Variants in FMN2 observed in about 807,000 individuals in gnomAD.
FMN2 encodes the protein formin 2.
Under a neutral mutation model 142.3 loss-of-function variants are expected in FMN2, and 51 were observed. The observed-to-expected ratio is 0.36, with a 90% confidence interval of 0.29 to 0.45. The LOEUF (loss-of-function observed/expected upper bound fraction) is 0.45. Among genes scored for constraint, FMN2 ranks in the 20% least tolerant of loss-of-function variants. The probability of loss-of-function intolerance (pLI) is 1.00; values close to 1 mark genes in which losing one functional copy is unlikely to be tolerated. For synonymous variants in FMN2, 882 were observed against 869.8 expected (o/e 1.01, Z -0.25); for missense variants, 1,936 against 2,122.8 (o/e 0.91, Z 1.73).
At chr1:240,267,278 GA>G (rs1206396831) in intron 7 of FMN2, among the ~76,000 whole-genome samples, 1 of 151,496 alleles carries the variant, frequency 6.6e-6, no homozygotes, top group African/African-American at 2.4e-5. Flanking sequence ...ATAGCCTCAT[GA>G]AAAAAATGGT....
chr1:240,394,490 A>G (rs1673706914), intron 15 of FMN2, among the ~76,000 whole-genome samples: 2 of 152,316 alleles, frequency 1.3e-5, no homozygotes, highest in Admixed American at 1.3e-4. Context: ...CCTCTGTAAC[A>G]AAAGAGTGCA....
intron 8 of FMN2, among the ~76,000 whole-genome samples, chr1:240,327,193 G>A (rs1246211321): frequency 1.3e-5 from 2 of 152,196 alleles, no homozygotes; most frequent in Non-Finnish European, 2.9e-5. Flanking sequence ...GCAGTGAAAT[G>A]TACCTCCGTT....
rs148963860 is a variant in FMN2 at position 240,207,018 on chromosome 1, C to A, written c.2206C>A (p.His736Asn). ...GTTAGAAGAAAAGGAAGTACGGCATCATAGGATTTTAGAGGCGAAATCGAT... is the reference window on the plus strand; with the variant it reads ...GTTAGAAGAAAAGGAAGTACGGCATAATAGGATTTTAGAGGCGAAATCGAT... ...LRLEEKEVRHHRILEAKSIQT... is the reference protein window; with the variant it reads ...LRLEEKEVRHNRILEAKSIQT... The change falls in exon 5 of 18, where the codon CAT (histidine) becomes AAT (asparagine). Residue 736 changes from histidine (H) to asparagine (N), a missense_variant. By Grantham distance (68) the His-to-Asn change is moderately conservative. Around this residue, in one of 8 missense-constraint regions of FMN2, gnomAD observed 478 missense variants for 462.8 expected, o/e 1.03. Transcript: ENST00000319653. 3 of 1,614,150 alleles carry A rather than the reference C, an allele frequency of 1.9e-6. No homozygotes were observed.
intron 1 of FMN2, among the ~76,000 whole-genome samples, chr1:240,112,116 A>G (rs1661833932): frequency 1.3e-5 from 2 of 150,600 alleles, no homozygotes; most frequent in African/African-American, 2.4e-5. Flanking sequence ...GACACCTAAC[A>G]TCCTTAGGCC....
intron 2 of FMN2, among the ~76,000 whole-genome samples, chr1:240,131,420 C>G (rs1571961092): frequency 6.6e-6 from 1 of 152,090 alleles, no homozygotes; most frequent in East Asian, 1.9e-4. Context: ...TGAAAGAAGT[C>G]TATAGGTCGG....
chr1:240,447,574 C>T (rs1240814692), intron 16 of FMN2, among the ~76,000 whole-genome samples: 1 of 152,260 alleles, frequency 6.6e-6, no homozygotes, highest in East Asian at 1.9e-4. Context: ...GTACGGAACT[C>T]TCATACTTTG....
At chr1:240,300,625 TA>T (rs1349092217) in intron 8 of FMN2, among the ~76,000 whole-genome samples, 1 of 152,046 alleles carries the variant, frequency 6.6e-6, no homozygotes, top group Non-Finnish European at 1.5e-5. Context: ...GAAAACAAAA[TA>T]AAGAGACATA....
intron 15 of FMN2, among the ~76,000 whole-genome samples, chr1:240,393,126 C>A (rs1673664777): frequency 6.6e-6 from 1 of 151,740 alleles, no homozygotes; most frequent in African/African-American, 2.4e-5. Context: ...ACAGGCATAC[C>A]TCATTTTATT....
At chr1:240,439,730 T>C (rs1675541856) in intron 16 of FMN2, among the ~76,000 whole-genome samples, 1 of 152,212 alleles carries the variant, frequency 6.6e-6, no homozygotes, top group Admixed American at 6.5e-5. Flanking sequence ...AAAATAAGCG[T>C]ATGCGAATCA....
At chr1:240,290,856 T>A (rs552266496) in intron 7 of FMN2, among the ~76,000 whole-genome samples, 18 of 143,562 alleles carry the variant, frequency 1.3e-4, no homozygotes, top group Non-Finnish European at 2.7e-4. Context: ...AGAGGCATGA[T>A]CTTGGCTCAC....
chr1:240,093,796 C>A, intron 1 of FMN2, 72 bp downstream of exon 1: 3 of 1,106,418 alleles, frequency 2.7e-6, no homozygotes, highest in Non-Finnish European at 3.5e-6. Context: ...TGCCACCCGC[C>A]CTCCCTGGGC....
chr1:240,295,829 C>G (rs554287578), intron 8 of FMN2, among the ~76,000 whole-genome samples: 3 of 152,274 alleles, frequency 2.0e-5, no homozygotes, highest in African/African-American at 7.2e-5. Flanking sequence ...ATATTTTGAG[C>G]AACACCTACA....
chr1:240,177,798 G>A (rs1284603671), intron 2 of FMN2, 123 bp from the exon 3 acceptor site: 3 of 773,356 alleles, frequency 3.9e-6, no homozygotes, highest in South Asian at 4.1e-5. Context: ...CTGTTTTAAT[G>A]TTTCATATAT....
At chr1:240,371,199 A>G (rs746310905) in intron 14 of FMN2, among the ~76,000 whole-genome samples, 1 of 151,992 alleles carries the variant, frequency 6.6e-6, no homozygotes, top group Admixed American at 6.6e-5. Context: ...GCCTCAAGTG[A>G]TACCCCCACC....
intron 16 of FMN2, among the ~76,000 whole-genome samples, chr1:240,455,614 G>T (rs923217381): frequency 6.6e-6 from 1 of 152,026 alleles, no homozygotes; most frequent in South Asian, 2.1e-4. Context: ...GGAGTTTGAG[G>T]TTATAGTGAG....
chr1:240,397,851 A>G (rs1673837552), intron 15 of FMN2, among the ~76,000 whole-genome samples: 1 of 151,496 alleles, frequency 6.6e-6, no homozygotes, highest in Non-Finnish European at 1.5e-5. Flanking sequence ...TACCATCTAG[A>G]CTGGTGTTTG....
intron 8 of FMN2, among the ~76,000 whole-genome samples, chr1:240,315,052 G>T (rs1200304623): frequency 2.6e-5 from 4 of 152,158 alleles, no homozygotes; most frequent in African/African-American, 9.7e-5. Flanking sequence ...GGGAAATGGT[G>T]CAGTTGGCTA....
intron 1 of FMN2, among the ~76,000 whole-genome samples, chr1:240,094,660 A>G (rs1661137225): frequency 6.6e-6 from 1 of 152,214 alleles, no homozygotes; most frequent in Admixed American, 6.5e-5. Flanking sequence ...ATTAAATGAA[A>G]TAGAGTGTTA....
At chr1:240,434,245 T>TA (rs1248776402) in intron 15 of FMN2, among the ~76,000 whole-genome samples, 1 of 152,202 alleles carries the variant, frequency 6.6e-6, no homozygotes, top group East Asian at 1.9e-4. Flanking sequence ...GCCTGTGTAG[T>TA]AAGGAAGGTC....
Sources: allele counts gnomAD v4.1 joint callset (sites outside exome capture counted in the v4.1 genomes callset), GRCh38; gene constraint gnomAD v4.1.1; regional missense constraint gnomAD v4.1.1; transcripts MANE v1.5; gene names NCBI Gene and HGNC (gene_info 2026-07-23, HGNC 2026-07-21).